DTNA: variants seen among roughly 807,000 people sequenced by gnomAD.
DTNA encodes dystrobrevin alpha.
DTNA carries 43 observed loss-of-function variants against 100.7 expected under a neutral mutation model. The observed-to-expected ratio is 0.43, with a 90% CI of 0.33 to 0.55. The LOEUF is 0.55. Among genes scored for constraint, DTNA ranks in the 20% least tolerant of loss-of-function variants. The pLI is 0.04. For missense variants in DTNA, 798 were observed against 953.9 expected (o/e 0.84, Z 2.15); for synonymous variants, 349 against 347.9 (o/e 1.00, Z -0.04).
intron 1 of DTNA, among the ~76,000 whole-genome samples, chr18:34,604,713 G>A (rs1457595352): frequency 2.6e-5 from 4 of 152,054 alleles, no homozygotes; most frequent in Admixed American, 2.0e-4. Flanking sequence ...CAGTACTACC[G>A]TTTCTCCTTT....
intron 1 of DTNA, among the ~76,000 whole-genome samples, chr18:34,633,353 A>G (rs1314434774): frequency 6.6e-6 from 1 of 152,216 alleles, no homozygotes; most frequent in Admixed American, 6.5e-5. Context: ...AGGAAAACAT[A>G]AAACAGTAAG....
At chr18:34,867,857 CAG>C (rs980418428) in intron 17 of DTNA, 11 of 985,410 alleles carry the variant, frequency 1.1e-5, no homozygotes, top group African/African-American at 1.0e-4. Context: ...TTCTGCATCT[CAG>C]GGGGCCAACA....
chr18:34,688,685 G>C (rs1247498170), intron 1 of DTNA, among the ~76,000 whole-genome samples: 1 of 152,006 alleles, frequency 6.6e-6, no homozygotes, highest in Non-Finnish European at 1.5e-5. Context: ...TTAAATGTTG[G>C]CCTGTCTTGC....
At chr18:34,526,339 A>T (rs1450777405) in intron 1 of DTNA, among the ~76,000 whole-genome samples, 1 of 152,136 alleles carries the variant, frequency 6.6e-6, no homozygotes, top group Non-Finnish European at 1.5e-5. Flanking sequence ...AGTCAGTATC[A>T]TCATTAGGAG....
At chr18:34,834,653 G>A (rs2096095505) in intron 11 of DTNA, among the ~76,000 whole-genome samples, 3 of 152,186 alleles carry the variant, frequency 2.0e-5, no homozygotes, top group Non-Finnish European at 2.9e-5. Flanking sequence ...CACATGAGGA[G>A]AGAGGAAGCA....
intron 3 of DTNA, among the ~76,000 whole-genome samples, chr18:34,773,655 G>A (rs1412272916): frequency 6.6e-6 from 1 of 152,188 alleles, no homozygotes; most frequent in Non-Finnish European, 1.5e-5. Context: ...AAAATTCCCT[G>A]TGGGAAAGTT....
intron 1 of DTNA, among the ~76,000 whole-genome samples, chr18:34,679,848 A>G (rs771738926): frequency 5.3e-5 from 8 of 152,110 alleles, no homozygotes; most frequent in Non-Finnish European, 1.0e-4. Flanking sequence ...ACTGTGAGCT[A>G]TATAACATAA....
chr18:34,686,658 G>A (rs1283556245), intron 1 of DTNA, among the ~76,000 whole-genome samples: 1 of 152,150 alleles, frequency 6.6e-6, no homozygotes, highest in Non-Finnish European at 1.5e-5. Flanking sequence ...CTCATGAAAT[G>A]AGTTAGGGTG....
intron 1 of DTNA, among the ~76,000 whole-genome samples, chr18:34,577,008 C>A (rs1339092123): frequency 1.3e-5 from 2 of 152,102 alleles, no homozygotes; most frequent in African/African-American, 4.8e-5. Context: ...CACACCCCAC[C>A]CCAGTTTATT....
chr18:34,768,567 T>C (rs2093609903), intron 3 of DTNA, among the ~76,000 whole-genome samples: 1 of 152,206 alleles, frequency 6.6e-6, no homozygotes, highest in African/African-American at 2.4e-5. Flanking sequence ...CCTCTTTCTG[T>C]TCTTTTCTGG....
chr18:34,662,051 C>T (rs1474232306), intron 1 of DTNA, among the ~76,000 whole-genome samples: 1 of 151,730 alleles, frequency 6.6e-6, no homozygotes, highest in Non-Finnish European at 1.5e-5. Flanking sequence ...CACTATCACT[C>T]TCTATTTTTC....
intron 10 of DTNA, among the ~76,000 whole-genome samples, chr18:34,828,098 T>G (rs2095903363): frequency 6.6e-6 from 1 of 152,194 alleles, no homozygotes; most frequent in Non-Finnish European, 1.5e-5. Flanking sequence ...AATCCTTTGT[T>G]GGTGAACCCT....
intron 1 of DTNA, among the ~76,000 whole-genome samples, chr18:34,753,741 T>A (rs2148159143): frequency 6.6e-6 from 1 of 152,252 alleles, no homozygotes; most frequent in South Asian, 2.1e-4. Flanking sequence ...CAGGAACACA[T>A]CACTTGTTCT....
At chr18:34,581,041 T>G (rs12967429) in intron 1 of DTNA, among the ~76,000 whole-genome samples, 1 of 151,892 alleles carries the variant, frequency 6.6e-6, no homozygotes, top group African/African-American at 2.4e-5. Flanking sequence ...GTCAGGAAAT[T>G]GAGACCATCC....
chr18:34,821,887 G>C (rs2095732225), intron 9 of DTNA, among the ~76,000 whole-genome samples: 1 of 152,180 alleles, frequency 6.6e-6, no homozygotes, highest in Non-Finnish European at 1.5e-5. Flanking sequence ...CACTGTGGTG[G>C]GTATGAGACC....
At chr18:34,681,695 A>AAC (rs71813996) in intron 1 of DTNA, among the ~76,000 whole-genome samples, 8,535 of 142,916 alleles carry the variant, frequency 0.06, 258 homozygotes, top group South Asian at 0.073. Context: ...CCCTATACAC[A>AAC]ACACACACAC....
Position 34,558,323 on chromosome 18 carries a change from C to A in DTNA, c.-2+64809C>A, listed in dbSNP as rs558926942. Among the ~76,000 whole-genome samples, 159 of 152,288 alleles carry A rather than the reference C, an allele frequency of 1.0e-3. 1 individual carries two copies. Among genetic ancestry groups the A allele is most frequent in the Middle Eastern group, 6.8e-3 (2 of 294 alleles). ...CTCAGATGGAAATGCAGAAATCACC[C>A]GTCTTCTGCGTCGCTCACCCTGGGA... On this transcript the variant is annotated intron_variant, in intron 1 of 19. Transcript: ENST00000283365.
At chr18:34,882,289 C>A in intron 21 of DTNA, 88 bp downstream of exon 21, 1 of 1,533,842 alleles carries the variant, frequency 6.5e-7, no homozygotes, top group South Asian at 1.2e-5. Flanking sequence ...AGAATCAGAG[C>A]CTTCTTCCTT....
intron 1 of DTNA, among the ~76,000 whole-genome samples, chr18:34,617,369 C>T (rs2055519897): frequency 6.6e-6 from 1 of 152,156 alleles, no homozygotes; most frequent in Admixed American, 6.5e-5. Context: ...TTTTCTGCAT[C>T]TATTGAGATG....
Sources: allele counts gnomAD v4.1 joint callset (sites outside exome capture counted in the v4.1 genomes callset), GRCh38; gene constraint gnomAD v4.1.1; transcripts MANE v1.5; gene names NCBI Gene and HGNC (gene_info 2026-07-23, HGNC 2026-07-21).